Variants in JAK2 observed in about 807,000 individuals in gnomAD.
JAK2 encodes the protein Janus kinase 2.
JAK2 carries 86 observed loss-of-function variants against 139.3 expected under a neutral mutation model. The ratio of observed to expected loss-of-function variants is 0.62; its 90% CI spans 0.52 to 0.74. The LOEUF is 0.74. Ranked by LOEUF, JAK2 falls within the 30% of genes least tolerant of loss-of-function variation. JAK2 has a pLI of 0.00. For missense variants in JAK2, 1,421 were observed against 1,360.3 expected (o/e 1.04, Z -0.70); for synonymous variants, 490 against 437.7 (o/e 1.12, Z -1.49).
Position 5,044,565 on chromosome 9 carries a change from A to G in JAK2, c.468+45A>G, listed in dbSNP as rs531061455. Reference sequence around the variant, plus strand: ...CTTGTACATGAGTTAAATGATAAATATCTTGCTGTTTAATAAGTCACTTAA... The same window carrying G: ...CTTGTACATGAGTTAAATGATAAATGTCTTGCTGTTTAATAAGTCACTTAA... On this transcript the variant is annotated intron_variant, in intron 5 of 24. Transcript: ENST00000381652. 20 of 1,201,106 alleles carry G rather than the reference A, an allele frequency of 1.7e-5. No homozygotes were observed. In the East Asian group the frequency reaches 4.8e-4, roughly 29 times the overall value. The allele number at this position is 1,201,106 out of a possible 1,614,324, so 74.4% of individuals were successfully genotyped here.
In JAK2 at chr9:5,103,490, C is replaced by A. The variant is rs1374245332; in HGVS notation, c.3059+12579C>A. On this transcript the variant is annotated intron_variant, in intron 22 of 24. Coordinates refer to ENST00000381652, the MANE Select transcript of JAK2 (RefSeq NM_004972.4). ...AATAATGGGAGACTTTAACACCTCT[C>A]TGTCAATAATAGACAGATCAATGAG... 2.0e-5 allele frequency among the ~76,000 whole-genome samples: 3 copies of A among 152,202 alleles called. No individual in the cohort carries two copies. In the East Asian group the frequency reaches 5.8e-4, roughly 29 times the overall value.
At chr9:5,067,729 T>C (rs982905352) in intron 10 of JAK2, among the ~76,000 whole-genome samples, 3 of 152,142 alleles carry the variant, frequency 2.0e-5, no homozygotes, top group South Asian at 2.1e-4. Flanking sequence ...GAGTTTATGC[T>C]ACAGCCCTAC....
At chr9:5,077,688 T>C (rs1819400356) in intron 15 of JAK2, 108 bp downstream of exon 15, 1 of 613,112 alleles carries the variant, frequency 1.6e-6, no homozygotes, top group Non-Finnish European at 2.6e-6. Flanking sequence ...GGATGCCAAT[T>C]CATGTAAAAT....
chr9:5,088,250 C>T (rs920542028), intron 19 of JAK2, among the ~76,000 whole-genome samples: 2 of 152,096 alleles, frequency 1.3e-5, no homozygotes, highest in African/African-American at 2.4e-5. Context: ...GGTCTATCCA[C>T]CTTATTGTGT....
At chr9:4,997,610 A>G (rs1046632710) in intron 2 of JAK2, among the ~76,000 whole-genome samples, 10 of 152,224 alleles carry the variant, frequency 6.6e-5, no homozygotes, top group Non-Finnish European at 1.3e-4. Context: ...TTACAGTGCA[A>G]CACATGAAAT....
chr9:4,999,453 G>T (rs1313831962), intron 2 of JAK2, among the ~76,000 whole-genome samples: 1 of 152,114 alleles, frequency 6.6e-6, no homozygotes, highest in Non-Finnish European at 1.5e-5. Flanking sequence ...AGTCAAAGGG[G>T]CAAAAAAGAT....
chr9:5,110,485 T>C (rs1822372643), intron 22 of JAK2: 2 of 153,392 alleles, frequency 1.3e-5, no homozygotes, highest in African/African-American at 4.8e-5. Flanking sequence ...ATATTATTTA[T>C]ATGCTCAGGC....
chr9:5,104,107 A>T (rs559773058), intron 22 of JAK2, among the ~76,000 whole-genome samples: 1 of 152,284 alleles, frequency 6.6e-6, no homozygotes, highest in South Asian at 2.1e-4. Context: ...ACTCTTCAAA[A>T]AATCAATGAA....
chr9:5,113,395 T>A (rs542941251), intron 22 of JAK2, among the ~76,000 whole-genome samples: 36 of 142,106 alleles, frequency 2.5e-4, no homozygotes, highest in African/African-American at 9.2e-4. Context: ...TAATTTTTTT[T>A]AAGGAAAATA....
chr9:5,049,092 G>T (rs62541556), intron 5 of JAK2, among the ~76,000 whole-genome samples: 35,498 of 152,030 alleles, frequency 0.23, 4,547 homozygotes, highest in South Asian at 0.3. Flanking sequence ...AAAGTTATCA[G>T]CCTTTTTTCA....
At chr9:5,002,151 T>G (rs1820962437) in intron 2 of JAK2, among the ~76,000 whole-genome samples, 1 of 151,884 alleles carries the variant, frequency 6.6e-6, no homozygotes, top group Non-Finnish European at 1.5e-5. Context: ...TTGATTTTCT[T>G]TATTGTTTTA....
At chr9:5,124,809 T>A (rs534786694) in intron 23 of JAK2, among the ~76,000 whole-genome samples, 1 of 151,438 alleles carries the variant, frequency 6.6e-6, no homozygotes, top group South Asian at 2.1e-4. Flanking sequence ...ACATTCAAGT[T>A]TTTTTTTAAC....
intron 22 of JAK2, chr9:5,112,073 G>C (rs970199815): frequency 5.1e-6 from 2 of 390,860 alleles, no homozygotes; most frequent in Admixed American, 5.8e-5. Flanking sequence ...ACGGCCTGGA[G>C]AGTAAGATAG....
chr9:5,071,361 C>T (rs1056299096), intron 12 of JAK2, among the ~76,000 whole-genome samples: 1 of 152,054 alleles, frequency 6.6e-6, no homozygotes, highest in Non-Finnish European at 1.5e-5. Context: ...ACTCCAGGAA[C>T]TTCCTATCAC....
At position 5,003,420 on chromosome 9, in the gene JAK2, C is replaced by T. The variant is rs193067760; in HGVS notation, c.-26+17398C>T. 3.3e-5 allele frequency among the ~76,000 whole-genome samples: 5 copies of T among 152,050 alleles called. No individual in the cohort carries two copies. In the East Asian group the frequency reaches 7.7e-4, roughly 23 times the overall value. ...TAGAAATGTTTTACAGTTTTTATTG[C>T]ACAGTTTTTACAGATATTTCCATAG... On this transcript the variant is annotated intron_variant, in intron 2 of 24. Transcript: ENST00000381652.
intron 22 of JAK2, chr9:5,108,457 T>G (rs1822155899): frequency 6.6e-6 from 1 of 152,136 alleles, no homozygotes. Flanking sequence ...ATGCTAGTAA[T>G]GATATTTACT....
At position 5,072,485 on chromosome 9, in the gene JAK2, C is replaced by G. The variant is rs1324204046; in HGVS notation, c.1642-7C>G. On this transcript the variant is annotated splice_region_variant and splice_polypyrimidine_tract_variant and intron_variant, in intron 12 of 24. Coordinates refer to ENST00000381652, the MANE Select transcript of JAK2 (RefSeq NM_004972.4). ...TCATTCTTTTCTTTTACCTTTTTCT[C>G]TTGAAGAATGAAAGCCTTGGCCAAG... The G allele has an allele frequency of 2.0e-6, 3 of 1,535,186 alleles. No individual in the cohort carries two copies. Among genetic ancestry groups the G allele is most frequent in the Non-Finnish European group, 2.6e-6 (3 of 1,138,462 alleles).
At chr9:5,033,729 T>A (rs921946938) in intron 4 of JAK2, among the ~76,000 whole-genome samples, 1 of 151,846 alleles carries the variant, frequency 6.6e-6, no homozygotes, top group Non-Finnish European at 1.5e-5. Context: ...CTAAAAGAGC[T>A]CCTGAAGGAA....
chr9:5,069,259 G>A (rs2130524132), intron 11 of JAK2, 51 bp downstream of exon 11: 2 of 1,227,896 alleles, frequency 1.6e-6, no homozygotes, highest in African/African-American at 1.5e-5. Context: ...GATTGTTTAT[G>A]TGGCGTGAAG....
Sources: allele counts gnomAD v4.1 joint callset (sites outside exome capture counted in the v4.1 genomes callset), GRCh38; gene constraint gnomAD v4.1.1; transcripts MANE v1.5; gene names NCBI Gene and HGNC (gene_info 2026-07-23, HGNC 2026-07-21).